The following THEMIS variants were observed in gnomAD, a reference collection of about 807,000 sequenced individuals.
The protein encoded by THEMIS is thymocyte selection associated.
Under a neutral mutation model 52.6 loss-of-function variants are expected in THEMIS, and 37 were observed. The ratio of observed to expected loss-of-function variants is 0.70; its 90% CI spans 0.54 to 0.93. The LOEUF (loss-of-function observed/expected upper bound fraction) is 0.93. Among genes scored for constraint, THEMIS ranks in the 40% least tolerant of loss-of-function variants. The pLI, the probability that THEMIS is intolerant of heterozygous loss-of-function variation, is 0.00. For synonymous variants in THEMIS, 292 were observed against 272.7 expected (o/e 1.07, Z -0.70); for missense variants, 808 against 763.1 (o/e 1.06, Z -0.69).
chr6:127,698,143 G>A, the THEMIS span, among the ~76,000 whole-genome samples: 4 of 152,042 alleles, frequency 2.6e-5, no homozygotes, highest in African/African-American at 9.7e-5. Flanking sequence ...AATCATTTAT[G>A]GTTGTTATTG....
intron 4 of THEMIS, among the ~76,000 whole-genome samples, chr6:127,755,145 T>C (rs1285052130): frequency 5.9e-5 from 9 of 152,202 alleles, no homozygotes; most frequent in Admixed American, 5.2e-4. Flanking sequence ...AGAACACGTG[T>C]TCCAAAATAA....
intron 4 of THEMIS, among the ~76,000 whole-genome samples, chr6:127,808,430 C>T (rs1777792513): frequency 6.6e-6 from 1 of 152,158 alleles, no homozygotes; most frequent in African/African-American, 2.4e-5. Flanking sequence ...AACACAATTT[C>T]AGGCCCAGCT....
At chr6:127,847,916 T>TATC (rs1461365792) in intron 2 of THEMIS, among the ~76,000 whole-genome samples, 1 of 144,690 alleles carries the variant, frequency 6.9e-6, no homozygotes, top group African/African-American at 2.5e-5. Context: ...TTATTATTAT[T>TATC]ATCATTATTA....
intron 3 of THEMIS, among the ~76,000 whole-genome samples, chr6:127,826,826 G>A (rs1778522876): frequency 6.6e-6 from 1 of 152,112 alleles, no homozygotes; most frequent in South Asian, 2.1e-4. Flanking sequence ...ATTTTCCAAA[G>A]AGGGATAATT....
intron 1 of THEMIS, among the ~76,000 whole-genome samples, chr6:127,899,389 G>T (rs1211168213): frequency 6.6e-6 from 1 of 151,744 alleles, no homozygotes; most frequent in African/African-American, 2.4e-5. Flanking sequence ...AGTGTGTTTG[G>T]GGGCAGCTAA....
chr6:127,748,594 T>C (rs1201578963), intron 4 of THEMIS, among the ~76,000 whole-genome samples: 1 of 152,044 alleles, frequency 6.6e-6, no homozygotes, highest in Admixed American at 6.6e-5. Flanking sequence ...AACACATGAA[T>C]ACTGGAGGAG....
chr6:127,707,381 T>G (rs1773825564), downstream of THEMIS, among the ~76,000 whole-genome samples: 1 of 152,154 alleles, frequency 6.6e-6, no homozygotes, highest in Non-Finnish European at 1.5e-5. Context: ...GCTTTTACTC[T>G]GAATGAGGTA....
At chr6:127,851,101 G>A (rs1291187757) in intron 2 of THEMIS, among the ~76,000 whole-genome samples, 2 of 151,262 alleles carry the variant, frequency 1.3e-5, no homozygotes, top group Non-Finnish European at 3.0e-5. Context: ...TACATTCAGG[G>A]GCAGAGGAAA....
downstream of THEMIS, among the ~76,000 whole-genome samples, chr6:127,703,913 G>A (rs972873392): frequency 2.0e-5 from 3 of 152,100 alleles, no homozygotes; most frequent in African/African-American, 7.2e-5. Context: ...TAAGATCAAG[G>A]TACCAGAAGA....
At chr6:127,822,829 C>T (rs1266694328) in intron 3 of THEMIS, among the ~76,000 whole-genome samples, 1 of 151,988 alleles carries the variant, frequency 6.6e-6, no homozygotes, top group African/African-American at 2.4e-5. Flanking sequence ...GTCTTAAGAG[C>T]AAAAACTGAG....
intron 1 of THEMIS, among the ~76,000 whole-genome samples, chr6:127,874,762 T>C (rs1469510473): frequency 6.6e-6 from 1 of 152,210 alleles, no homozygotes; most frequent in Non-Finnish European, 1.5e-5. Context: ...ACATGGGTGA[T>C]GTGATGATAT....
At position 127,813,477 on chromosome 6, in the gene THEMIS, C is replaced by G. The variant is rs1259265305; in HGVS notation, c.1164G>C (p.Gln388His). The G allele has an allele frequency of 1.2e-6, 2 of 1,614,084 alleles. No homozygotes were observed. The highest frequency in any genetic ancestry group is 3.3e-5 in the Admixed American group (2 of 59,990). The change falls in exon 4 of 6, where the codon CAG becomes CAC. Residue 388 changes from glutamine to histidine, a missense_variant. Transcript: ENST00000368248. The stretch of plus-strand genomic sequence containing the variant: ...TCGTCTCTGACTGATGCACCAGAAA[C>G]TGGTCCCCAACAGATACGGATGACA... ...DKLSSVSVGDQFLVHQSETTE... is the reference protein window; with the variant it reads ...DKLSSVSVGDHFLVHQSETTE...
intron 2 of THEMIS, among the ~76,000 whole-genome samples, chr6:127,846,735 C>T (rs1406467235): frequency 6.6e-6 from 1 of 151,820 alleles, no homozygotes; most frequent in East Asian, 1.9e-4. Context: ...ACCAATCCTA[C>T]TGAAACTATT....
chr6:127,776,867 T>A (rs577349434), intron 4 of THEMIS, among the ~76,000 whole-genome samples: 2 of 152,346 alleles, frequency 1.3e-5, no homozygotes, highest in Admixed American at 1.3e-4. Context: ...CATACACATA[T>A]AAGAAATGTG....
At chr6:127,897,516 C>T (rs1412701295) in intron 1 of THEMIS, among the ~76,000 whole-genome samples, 2 of 151,144 alleles carry the variant, frequency 1.3e-5, no homozygotes, top group Non-Finnish European at 3.0e-5. Context: ...AAGAGTATTT[C>T]CAAAAATCCA....
intron 4 of THEMIS, among the ~76,000 whole-genome samples, chr6:127,752,745 A>T (rs573361912): frequency 1.3e-5 from 2 of 151,918 alleles, no homozygotes; most frequent in East Asian, 3.9e-4. Context: ...TTTACCAAAC[A>T]TTTAAAGAAA....
chr6:127,844,020 A>G (rs532055064), intron 2 of THEMIS, among the ~76,000 whole-genome samples: 4 of 152,140 alleles, frequency 2.6e-5, no homozygotes, highest in African/African-American at 7.2e-5. Context: ...TCAACCTCAT[A>G]AATTATGTGA....
Position 127,709,763 on chromosome 6 carries a change from C to A in THEMIS, c.*222G>T. ...GTCCTAAAGAACAACAACACAATGC[C>A]TACAGATTTAGACACAACAGAATAG... On this transcript the variant is annotated 3_prime_UTR_variant, in exon 6 of 6. Coordinates refer to ENST00000368248, the MANE Select transcript of THEMIS (RefSeq NM_001010923.3). 1 of 419,008 alleles carries A rather than the reference C, an allele frequency of 2.4e-6. No individual in the cohort carries two copies. The highest frequency in any genetic ancestry group is 4.2e-6 in the Non-Finnish European group (1 of 237,142). 26.0% of individuals were successfully genotyped at this position (419,008 alleles called of 1,614,324 possible).
At chr6:127,814,881 G>T (rs1562276157) in intron 3 of THEMIS, among the ~76,000 whole-genome samples, 1 of 152,182 alleles carries the variant, frequency 6.6e-6, no homozygotes, top group Non-Finnish European at 1.5e-5. Context: ...TATTGGCCAG[G>T]CACTGTGTCT....
Sources: allele counts gnomAD v4.1 joint callset (sites outside exome capture counted in the v4.1 genomes callset), GRCh38; gene constraint gnomAD v4.1.1; transcripts MANE v1.5; gene names NCBI Gene and HGNC (gene_info 2026-07-23, HGNC 2026-07-21).